The following CALN1 variants were observed in gnomAD, a reference collection of about 807,000 sequenced individuals.
The protein encoded by CALN1 is calcium-binding protein 8.
Under a neutral mutation model 30.6 loss-of-function variants are expected in CALN1, and 17 were observed. The ratio of observed to expected loss-of-function variants is 0.56; its 90% CI spans 0.38 to 0.83. The LOEUF (loss-of-function observed/expected upper bound fraction) is 0.83, where lower values mean the gene tolerates loss of function less well. Among genes scored for constraint, CALN1 ranks in the 40% least tolerant of loss-of-function variants. The probability of loss-of-function intolerance (pLI) is 0.00; values close to 1 mark genes in which losing one functional copy is unlikely to be tolerated. For missense variants in CALN1, 291 were observed against 354.9 expected (o/e 0.82, Z 1.45); for synonymous variants, 156 against 131.4 (o/e 1.19, Z -1.28).
upstream of CALN1, among the ~76,000 whole-genome samples, chr7:72,447,319 T>C (rs1295063219): frequency 6.6e-6 from 1 of 152,016 alleles, no homozygotes; most frequent in Admixed American, 6.6e-5. Flanking sequence ...TGCAGCCCTC[T>C]CACTCCAGCA....
intron 5 of CALN1, among the ~76,000 whole-genome samples, chr7:71,887,664 C>A (rs891651260): frequency 6.6e-6 from 1 of 151,878 alleles, no homozygotes; most frequent in African/African-American, 2.4e-5. Context: ...GAGATTAGAG[C>A]GGGGGTCTCT....
chr7:71,865,155 T>C (rs1425688952), intron 5 of CALN1, among the ~76,000 whole-genome samples: 1 of 152,226 alleles, frequency 6.6e-6, no homozygotes, highest in Non-Finnish European at 1.5e-5. Context: ...ATTCTCACGG[T>C]GAACTGTAAT....
intron 3 of CALN1, among the ~76,000 whole-genome samples, chr7:72,140,786 C>T (rs1809872268): frequency 6.6e-6 from 1 of 152,228 alleles, no homozygotes; most frequent in South Asian, 2.1e-4. Context: ...AGCTCATCAA[C>T]TTCCAGGACA....
At chr7:72,143,360 GAAGA>G (rs937279119) in intron 3 of CALN1, among the ~76,000 whole-genome samples, 3 of 152,200 alleles carry the variant, frequency 2.0e-5, no homozygotes, top group African/African-American at 7.2e-5. Context: ...CGATCAACGG[GAAGA>G]AAGGGTATCA....
At chr7:72,295,972 C>T (rs961190183) in intron 2 of CALN1, among the ~76,000 whole-genome samples, 9 of 151,866 alleles carry the variant, frequency 5.9e-5, no homozygotes, top group African/African-American at 1.9e-4. Context: ...CCAGTTTTTG[C>T]CCATTCAGTA....
chr7:72,366,477 A>AT lies in CALN1; in HGVS notation c.119+36773dup, dbSNP rs200224600. On this transcript the variant is annotated intron_variant, in intron 2 of 6. Coordinates refer to ENST00000395275, the MANE Select transcript of CALN1 (RefSeq NM_031468.4). ...AGGCATGAGCTACAGCGCCTGATGTATTTTTTTTCTTTCCAAAAATTTCAA... is the reference window on the plus strand; with the variant it reads ...AGGCATGAGCTACAGCGCCTGATGTATTTTTTTTTCTTTCCAAAAATTTCAA... Among the ~76,000 whole-genome samples, 671 of 151,942 alleles carry AT rather than the reference A, an allele frequency of 4.4e-3. 4 individuals are homozygous for AT. The highest frequency in any genetic ancestry group is 0.015 in the African/African-American group (638 of 41,434).
At chr7:72,180,524 CTTTTTTTT>C (rs35465505) in intron 3 of CALN1, among the ~76,000 whole-genome samples, 2 of 113,668 alleles carry the variant, frequency 1.8e-5, no homozygotes, top group African/African-American at 6.5e-5. Context: ...AGAAGGTGTC[CTTTTTTTT>C]TTTTTTTTTA....
At chr7:72,021,780 C>T (rs1043016612) in intron 5 of CALN1, among the ~76,000 whole-genome samples, 12 of 152,298 alleles carry the variant, frequency 7.9e-5, no homozygotes, top group East Asian at 3.9e-4. Flanking sequence ...AATCTCAATC[C>T]GGTGTTCCAG....
rs190342182 is a variant in CALN1 at position 72,201,510 on chromosome 7, G to C, written c.244+77176C>G. ...GGAGGCTGAGGCAGGAGGATCGCTTGAACCTGGTAGGCAAAGGCTGCAGTG... is the reference window on the plus strand; with the variant it reads ...GGAGGCTGAGGCAGGAGGATCGCTTCAACCTGGTAGGCAAAGGCTGCAGTG... On this transcript the variant is annotated intron_variant, in intron 3 of 6. Coordinates refer to ENST00000395275, the MANE Select transcript of CALN1 (RefSeq NM_031468.4). Among the ~76,000 whole-genome samples the C allele has an allele frequency of 2.2e-3, 330 of 151,974 alleles. 4 individuals are homozygous for C. The South Asian group carries it at 0.025, about 12-fold the overall frequency.
At chr7:72,176,737 T>G (rs375386520) in intron 3 of CALN1, among the ~76,000 whole-genome samples, 1 of 152,132 alleles carries the variant, frequency 6.6e-6, no homozygotes, top group Admixed American at 6.5e-5. Flanking sequence ...TACTACAGCA[T>G]AGGAAAGCCC....
At chr7:72,150,941 G>A (rs1787195987) in intron 3 of CALN1, among the ~76,000 whole-genome samples, 1 of 152,018 alleles carries the variant, frequency 6.6e-6, no homozygotes, top group Non-Finnish European at 1.5e-5. Flanking sequence ...CCTGCATCAT[G>A]AGGCTGTTCA....
rs186494632 is a variant in CALN1, at chr7:72,394,441, T to C, written c.119+8810A>G. The stretch of plus-strand genomic sequence containing the variant: ...TCATACACAGATGCTCTCCAAAGCA[T>C]TGCCTGTGAGAACAAAAACAGAGCA... On this transcript the variant is annotated intron_variant, in intron 2 of 6. Transcript: ENST00000395275. 3.3e-4 allele frequency among the ~76,000 whole-genome samples: 51 copies of C among 152,310 alleles called. 1 individual carries two copies. In the East Asian group the frequency reaches 5.8e-3, roughly 17 times the overall value.
rs565501775 is a variant in CALN1 at position 72,139,389 on chromosome 7, C to T, written c.245-33095G>A. 4.0e-5 allele frequency among the ~76,000 whole-genome samples: 6 copies of T among 149,628 alleles called. No homozygotes were observed. In the South Asian group the frequency reaches 6.3e-4, roughly 16 times the overall value. On this transcript the variant is annotated intron_variant, in intron 3 of 6. Transcript: ENST00000395275. ...CTGGGTCTTCTACTCATCTCAGCCA[C>T]GCCCACCCTCTTCTAAGCACCTCAG... is the stretch of plus-strand genomic sequence containing the variant.
chr7:71,875,304 G>C (rs1792181687), intron 5 of CALN1, among the ~76,000 whole-genome samples: 1 of 152,108 alleles, frequency 6.6e-6, no homozygotes, highest in African/African-American at 2.4e-5. Flanking sequence ...AAACCACCCT[G>C]AAGTATGGGT....
Position 72,403,295 on chromosome 7 carries a change from C to T in CALN1, c.75G>A (p.Gly25=). 1 of 1,550,590 alleles carries T rather than the reference C, an allele frequency of 6.4e-7. No homozygotes were observed. The highest frequency in any genetic ancestry group is 8.7e-7 in the Non-Finnish European group (1 of 1,147,010). ...CCTGGCTCCTCGGCGGCTCCTCTCC[C>T]CCTCCGAGGGCTCCTCCGTCCCCCT... is the stretch of plus-strand genomic sequence containing the variant. ...EKKGDGGALG[G]GEEPPRSQAP... Residue 25 remains glycine (G), a synonymous_variant, in exon 2 of 7, where the codon GGG becomes GGA. Transcript: ENST00000395275.
At chr7:72,338,321 A>G (rs939616798) in intron 2 of CALN1, among the ~76,000 whole-genome samples, 2 of 152,128 alleles carry the variant, frequency 1.3e-5, no homozygotes, top group African/African-American at 2.4e-5. Context: ...AGAACCAGAG[A>G]AAAGATACAT....
chr7:72,314,431 ATTT>A (rs1167427203), intron 2 of CALN1, among the ~76,000 whole-genome samples: 1 of 146,726 alleles, frequency 6.8e-6, no homozygotes. Context: ...ACATACATAG[ATTT>A]TTTTTTTTTG....
At chr7:72,455,172 T>C in the CALN1 span, among the ~76,000 whole-genome samples, 1 of 151,738 alleles carries the variant, frequency 6.6e-6, no homozygotes, top group Non-Finnish European at 1.5e-5. Flanking sequence ...CATGGTGGAG[T>C]GCACCTGTAG....
chr7:71,868,423 G>C (rs940831731), intron 5 of CALN1, among the ~76,000 whole-genome samples: 3 of 150,422 alleles, frequency 2.0e-5, no homozygotes, highest in African/African-American at 7.4e-5. Context: ...CCAGGCTGGA[G>C]TGCGGTGGCA....
Sources: allele counts gnomAD v4.1 joint callset (sites outside exome capture counted in the v4.1 genomes callset), GRCh38; gene constraint gnomAD v4.1.1; transcripts MANE v1.5; gene names NCBI Gene and HGNC (gene_info 2026-07-23, HGNC 2026-07-21).